The following CD99 variants were observed in gnomAD, a reference collection of about 807,000 sequenced individuals.
The protein encoded by CD99 is CD99 antigen.
CD99 carries 19 observed loss-of-function variants against 28.4 expected under a neutral mutation model. The observed-to-expected ratio is 0.67, with a 90% CI of 0.47 to 0.98. The LOEUF (loss-of-function observed/expected upper bound fraction) is 0.98, where lower values mean the gene tolerates loss of function less well. Among genes scored for constraint, CD99 ranks in the 50% least tolerant of loss-of-function variants. The pLI, the probability that CD99 is intolerant of heterozygous loss-of-function variation, is 0.00. For missense variants in CD99, 283 were observed against 248.8 expected (o/e 1.14, Z -0.92); for synonymous variants, 103 against 92.1 (o/e 1.12, Z -0.67).
chrX:2,711,156 C>T (rs1160154670), intron 1 of CD99, among the ~76,000 whole-genome samples: 1 of 149,686 alleles, frequency 6.7e-6, no homozygotes, highest in African/African-American at 2.4e-5. Flanking sequence ...CAGGTGTGAG[C>T]CACCGCACCC....
intron 8 of CD99, among the ~76,000 whole-genome samples, chrX:2,728,432 A>T (rs2049411178): frequency 6.6e-6 from 1 of 151,518 alleles, no homozygotes; most frequent in African/African-American, 2.4e-5. Context: ...CTGACCTTGG[A>T]TGATCCGCCT....
Position 2,720,427 on chromosome X carries a change from AAG to A in CD99, c.262+6_262+7del. 4 of 1,612,988 alleles carry A rather than the reference AAG, an allele frequency of 2.5e-6. No individual in the cohort carries two copies. The highest frequency in any genetic ancestry group is 3.4e-6 in the Non-Finnish European group (4 of 1,179,054). ...CCCCAACCACCCTAGTTCCTCCGGT[AAG>A]AGTCTCTGACCCTGTGGGATGTCTT... On this transcript the variant is annotated splice_donor_5th_base_variant and intron_variant, in intron 5 of 9. Coordinates refer to ENST00000381192, the MANE Select transcript of CD99 (RefSeq NM_002414.5).
chrX:2,738,271 G>GA lies in CD99; in HGVS notation c.532+17dup, dbSNP rs753916198. On this transcript the variant is annotated intron_variant, in intron 9 of 9. Coordinates refer to ENST00000381192, the MANE Select transcript of CD99 (RefSeq NM_002414.5). Reference sequence around the variant, plus strand: ...AGAGCCAGCTGGTAAGAAGGACGGGGAACGATGGCTTGCACACGTGGCCAG... The same window carrying GA: ...AGAGCCAGCTGGTAAGAAGGACGGGGAAACGATGGCTTGCACACGTGGCCAG... 1.9e-6 allele frequency: 3 copies of GA among 1,613,434 alleles called. No individual in the cohort carries two copies. In the South Asian group the frequency reaches 3.3e-5, roughly 18 times the overall value.
chrX:2,714,514 C>T, intron 2 of CD99, 60 bp downstream of exon 2: 3 of 1,351,320 alleles, frequency 2.2e-6, no homozygotes, highest in Non-Finnish European at 3.2e-6. Context: ...ATAGTATATA[C>T]AGGCATATCC....
At chrX:2,704,873 CCTGT>C (rs1433159123) in intron 1 of CD99, among the ~76,000 whole-genome samples, 1 of 152,154 alleles carries the variant, frequency 6.6e-6, no homozygotes, top group Non-Finnish European at 1.5e-5. Context: ...CGTCACAACA[CCTGT>C]CTAATTTTTG....
intron 9 of CD99, among the ~76,000 whole-genome samples, chrX:2,738,809 C>T (rs1683997): frequency 0.53 from 80,445 of 151,528 alleles, 21,672 homozygotes; most frequent in African/African-American, 0.61. Flanking sequence ...GAATTAAAAG[C>T]CCATCTCCTG....
At chrX:2,703,969 G>T (rs1002437492) in intron 1 of CD99, among the ~76,000 whole-genome samples, 1 of 152,116 alleles carries the variant, frequency 6.6e-6, no homozygotes, top group African/African-American at 2.4e-5. Flanking sequence ...CCTTGCTGTT[G>T]TCTGAGCCTC....
chrX:2,721,351 A>G (rs1569442109), intron 5 of CD99, among the ~76,000 whole-genome samples: 1 of 151,838 alleles, frequency 6.6e-6, no homozygotes, highest in Non-Finnish European at 1.5e-5. Flanking sequence ...TGCTGTGATC[A>G]TATTAAACAT....
intron 5 of CD99, among the ~76,000 whole-genome samples, chrX:2,722,269 A>G (rs1195175959): frequency 6.6e-6 from 1 of 152,176 alleles, no homozygotes; most frequent in Non-Finnish European, 1.5e-5. Flanking sequence ...AGACATAAAT[A>G]TTGCCAGCAT....
intron 1 of CD99, among the ~76,000 whole-genome samples, chrX:2,710,266 G>A (rs1369122476): frequency 1.8e-4 from 28 of 152,150 alleles, no homozygotes; most frequent in Non-Finnish European, 8.8e-5. Flanking sequence ...TGCTGTGAGC[G>A]AGGAGTGGGA....
intron 1 of CD99, among the ~76,000 whole-genome samples, chrX:2,703,663 C>A (rs766741778): frequency 1.4e-5 from 2 of 142,792 alleles, no homozygotes; most frequent in East Asian, 4.3e-4. Context: ...GGCCTCACAT[C>A]ATTTTACAGA....
At chrX:2,720,620 C>CT (rs71281938) in intron 5 of CD99, among the ~76,000 whole-genome samples, 196 bp downstream of exon 5, 38,053 of 84,012 alleles carry the variant, frequency 0.45, 9,919 homozygotes, top group Non-Finnish European at 0.54. Flanking sequence ...TTTTAGTTTG[C>CT]TTTTTTTTTT....
chrX:2,709,928 A>G (rs2048323038), intron 1 of CD99, among the ~76,000 whole-genome samples: 1 of 152,186 alleles, frequency 6.6e-6, no homozygotes, highest in Non-Finnish European at 1.5e-5. Context: ...CCTGAGGCCC[A>G]GGGACAGATG....
At chrX:2,723,804 A>G (rs1020376358) in intron 7 of CD99, among the ~76,000 whole-genome samples, 4 of 152,204 alleles carry the variant, frequency 2.6e-5, no homozygotes, top group Non-Finnish European at 4.4e-5. Context: ...TGTGTTCTCC[A>G]TGGAAGTGCC....
chrX:2,737,053 G>A (rs1001294802), intron 8 of CD99, among the ~76,000 whole-genome samples: 6 of 152,098 alleles, frequency 3.9e-5, no homozygotes, highest in African/African-American at 7.2e-5. Flanking sequence ...GAGGTAGAAG[G>A]GGGGACAGGA....
intron 1 of CD99, among the ~76,000 whole-genome samples, chrX:2,696,092 G>A (rs2047561653): frequency 6.6e-6 from 1 of 152,214 alleles, no homozygotes; most frequent in South Asian, 2.1e-4. Flanking sequence ...GATTCTAGCT[G>A]CTCTAGTACC....
intron 8 of CD99, among the ~76,000 whole-genome samples, chrX:2,731,100 G>C (rs1293021573): frequency 4.6e-5 from 7 of 152,292 alleles, no homozygotes; most frequent in African/African-American, 1.4e-4. Flanking sequence ...GATTTTGTTA[G>C]TAGACATGGA....
intron 7 of CD99, among the ~76,000 whole-genome samples, chrX:2,724,274 A>G (rs1389887642): frequency 6.6e-6 from 1 of 152,166 alleles, no homozygotes; most frequent in Admixed American, 6.5e-5. Flanking sequence ...GGGGTAGTTA[A>G]GCTTGAAAAA....
intron 8 of CD99, among the ~76,000 whole-genome samples, chrX:2,735,252 T>A: frequency 6.6e-6 from 1 of 152,304 alleles, no homozygotes; most frequent in Non-Finnish European, 1.5e-5. Flanking sequence ...AAAGCATAGG[T>A]ACCCATTAAA....
Sources: allele counts gnomAD v4.1 joint callset (sites outside exome capture counted in the v4.1 genomes callset), GRCh38; gene constraint gnomAD v4.1.1; transcripts MANE v1.5; gene names NCBI Gene and HGNC (gene_info 2026-07-23, HGNC 2026-07-21).